RSPH14: variants seen among roughly 807,000 people sequenced by gnomAD.
RSPH14 encodes the protein rhabdoid tumor deletion region gene 1.
Under a neutral mutation model 26.7 loss-of-function variants are expected in RSPH14, and 20 were observed. The observed-to-expected ratio is 0.75, with a 90% confidence interval of 0.53 to 1.09. The LOEUF is 1.09. RSPH14 is among the 50% of genes least tolerant of loss of function. RSPH14 has a pLI of 0.00. For missense variants in RSPH14, 449 were observed against 457.2 expected (o/e 0.98, Z 0.16); for synonymous variants, 177 against 189.3 (o/e 0.93, Z 0.53).
chr22:23,121,230 C>T (rs1047172996), intron 4 of RSPH14, among the ~76,000 whole-genome samples: 5 of 152,228 alleles, frequency 3.3e-5, no homozygotes, highest in Admixed American at 6.5e-5. Context: ...CCTGTTATTC[C>T]GAAGCTCATT....
intron 3 of RSPH14, 118 bp downstream of exon 3, chr22:23,138,722 C>T: frequency 9.6e-6 from 8 of 829,574 alleles, no homozygotes; most frequent in Non-Finnish European, 1.5e-5. Context: ...ATAGAAGCCC[C>T]TGCAAAAACT....
At position 23,133,886 on chromosome 22, in the gene RSPH14, C is replaced by T. The variant is rs182192647; in HGVS notation, c.421+140G>A. The T allele has an allele frequency of 3.6e-3, 2,228 of 617,386 alleles. 4 individuals are homozygous for T. The highest frequency in any genetic ancestry group is 4.4e-3 in the Non-Finnish European group (1,495 of 336,178). The allele number at this position is 617,386 out of a possible 1,614,324, so 38.2% of individuals were successfully genotyped here. On this transcript the variant is annotated intron_variant, in intron 4 of 6. Transcript: ENST00000216036. The stretch of plus-strand genomic sequence containing the variant: ...TACAGGTGTGAGCCACCACACCCAG[C>T]GGATATGTGCTTTTCTAATATGTAT...
chr22:23,165,613 C>G, the RSPH14 span, among the ~76,000 whole-genome samples: 136 of 152,358 alleles, frequency 8.9e-4, no homozygotes, highest in African/African-American at 3.2e-3. Flanking sequence ...TGTAACAAAT[C>G]ACTCCAAAAC....
chr22:23,165,029 C>T, the RSPH14 span, among the ~76,000 whole-genome samples: 1 of 152,118 alleles, frequency 6.6e-6, no homozygotes, highest in Non-Finnish European at 1.5e-5. Flanking sequence ...TGTGGACACC[C>T]CCACAGCTCT....
At chr22:23,145,333 C>A, upstream of RSPH14, 4 of 1,590,364 alleles carry the variant, frequency 2.5e-6, no homozygotes, top group Non-Finnish European at 3.4e-6. Context: ...CTGCTGCCAG[C>A]CCCGCCCAGA....
the RSPH14 span, chr22:23,156,090 C>A: frequency 6.7e-7 from 1 of 1,488,842 alleles, no homozygotes; most frequent in Non-Finnish European, 9.2e-7. Context: ...CCCTGCCGGG[C>A]TCCACAGTGG....
At chr22:23,078,322 G>A (rs575943948) in intron 4 of RSPH14, among the ~76,000 whole-genome samples, 1 of 152,342 alleles carries the variant, frequency 6.6e-6, no homozygotes, top group Admixed American at 6.5e-5. Flanking sequence ...CACTGGGCCA[G>A]TGCCAGGCAT....
chr22:23,118,185 C>T (rs926369673), intron 4 of RSPH14, among the ~76,000 whole-genome samples: 5 of 152,210 alleles, frequency 3.3e-5, no homozygotes, highest in Non-Finnish European at 7.3e-5. Context: ...ATGACTTCCA[C>T]ACCACCCCAG....
At chr22:23,102,293 C>A (rs1457874285) in intron 4 of RSPH14, among the ~76,000 whole-genome samples, 1 of 152,214 alleles carries the variant, frequency 6.6e-6, no homozygotes, top group Non-Finnish European at 1.5e-5. Context: ...GGCTCAAGCC[C>A]AAGATGGGAG....
chr22:23,123,514 G>A, intron 4 of RSPH14: 1 of 850,450 alleles, frequency 1.2e-6, no homozygotes, highest in South Asian at 1.7e-5. Context: ...GCCCAATCCA[G>A]GGGCAGAAAA....
intron 4 of RSPH14, among the ~76,000 whole-genome samples, chr22:23,099,747 G>A (rs1230483009): frequency 6.6e-6 from 1 of 152,240 alleles, no homozygotes; most frequent in Non-Finnish European, 1.5e-5. Flanking sequence ...AGCAAAGACA[G>A]TCACTCTGCT....
chr22:23,150,302 T>TTA, the RSPH14 span: 1 of 631,404 alleles, frequency 1.6e-6, no homozygotes, highest in Non-Finnish European at 2.7e-6. Context: ...TCTTTTTTTT[T>TTA]TCTTTTTTTT....
chr22:23,179,212 C>G, the RSPH14 span, among the ~76,000 whole-genome samples: 1 of 152,182 alleles, frequency 6.6e-6, no homozygotes, highest in Admixed American at 6.5e-5. Context: ...CCCTAACATC[C>G]ACACAGGGAC....
the RSPH14 span, chr22:23,159,290 GC>G: frequency 6.5e-7 from 1 of 1,542,648 alleles, no homozygotes; most frequent in Admixed American, 2.0e-5. Context: ...GTGGGGCAGA[GC>G]CCTGCTCTTG....
At chr22:23,081,221 C>A (rs1427323497) in intron 4 of RSPH14, among the ~76,000 whole-genome samples, 1 of 152,176 alleles carries the variant, frequency 6.6e-6, no homozygotes, top group Non-Finnish European at 1.5e-5. Context: ...TCCTTTGCCA[C>A]CTCACTTGTG....
intron 4 of RSPH14, among the ~76,000 whole-genome samples, chr22:23,076,747 A>C (rs562469031): frequency 7.9e-5 from 12 of 152,236 alleles, no homozygotes; most frequent in Non-Finnish European, 1.3e-4. Flanking sequence ...GGGATGAGCC[A>C]AGACCCTGAA....
intron 4 of RSPH14, among the ~76,000 whole-genome samples, chr22:23,081,654 T>G (rs926944611): frequency 4.0e-5 from 6 of 151,820 alleles, no homozygotes; most frequent in African/African-American, 1.5e-4. Flanking sequence ...AAACCCTGTC[T>G]CTACTAAAAA....
At chr22:23,066,181 G>A (rs1252356628) in intron 4 of RSPH14, among the ~76,000 whole-genome samples, 1 of 152,216 alleles carries the variant, frequency 6.6e-6, no homozygotes, top group East Asian at 1.9e-4. Flanking sequence ...CTGGGGGTAA[G>A]GAAGTTGTTA....
Position 23,059,807 on chromosome 22 carries a change from C to T in RSPH14, c.791-89G>A, listed in dbSNP as rs557537125. On this transcript the variant is annotated intron_variant, in intron 6 of 6. Transcript: ENST00000216036. ...CCCTAGCCCTCTCCTGACCCTCCTC[C>T]TTGTGCAGTCTCAAGGGGTTTATGC... The T allele has an allele frequency of 3.3e-5, 45 of 1,383,638 alleles. No individual in the cohort carries two copies. The Admixed American group carries it at 8.3e-4, about 26-fold the overall frequency. The allele number at this position is 1,383,638 out of a possible 1,614,324, so 85.7% of individuals were successfully genotyped here. A position where few individuals can be genotyped will look rare whatever the true frequency, so the allele number is the denominator to read the frequency against.
Sources: gnomAD v4.1 joint callset for allele counts (sites outside exome capture counted in the v4.1 genomes callset) on GRCh38, gnomAD v4.1.1 for gene constraint, MANE v1.5 for transcripts, NCBI Gene and HGNC (gene_info 2026-07-23, HGNC 2026-07-21) for gene names.